The following HMG20A variants were observed in gnomAD, a reference collection of about 807,000 sequenced individuals.
The protein encoded by HMG20A is high mobility group protein 20A.
HMG20A carries 17 observed loss-of-function variants against 43.9 expected under a neutral mutation model. That is an observed-to-expected ratio of 0.39 (90% CI 0.27 to 0.58). The LOEUF is 0.58. HMG20A is among the 20% of genes least tolerant of loss of function. HMG20A has a pLI of 0.59. For missense variants in HMG20A, 341 were observed against 438.2 expected (o/e 0.78, Z 1.98); for synonymous variants, 132 against 147.5 (o/e 0.89, Z 0.76).
chr15:77,475,215 G>A (rs192372737), intron 6 of HMG20A, among the ~76,000 whole-genome samples: 3 of 152,300 alleles, frequency 2.0e-5, no homozygotes, highest in Admixed American at 2.0e-4. Context: ...TCTCCATGCC[G>A]TGAAATGTGC....
chr15:77,516,628 C>A, the HMG20A span, among the ~76,000 whole-genome samples: 1 of 152,118 alleles, frequency 6.6e-6, no homozygotes, highest in East Asian at 1.9e-4. Flanking sequence ...CATGACCATC[C>A]CCCTCAAGAG....
chr15:77,492,292 A>G, the HMG20A span, among the ~76,000 whole-genome samples: 5 of 152,260 alleles, frequency 3.3e-5, no homozygotes, highest in African/African-American at 1.2e-4. Flanking sequence ...ATAATATAGT[A>G]TGAAAATATC....
At chr15:77,510,485 G>A in the HMG20A span, among the ~76,000 whole-genome samples, 1 of 152,198 alleles carries the variant, frequency 6.6e-6, no homozygotes, top group Non-Finnish European at 1.5e-5. Flanking sequence ...AAATGCACTG[G>A]GGGAGAGGAA....
At chr15:77,446,163 A>G (rs2073671606) in intron 1 of HMG20A, among the ~76,000 whole-genome samples, 1 of 152,150 alleles carries the variant, frequency 6.6e-6, no homozygotes, top group African/African-American at 2.4e-5. Flanking sequence ...TCTCCAGTGC[A>G]TCTGTGAATG....
the HMG20A span, among the ~76,000 whole-genome samples, chr15:77,518,689 C>T: frequency 5.9e-5 from 9 of 152,312 alleles, no homozygotes; most frequent in Non-Finnish European, 8.8e-5. Flanking sequence ...CACCACACCA[C>T]GGCTCAGCGT....
chr15:77,471,833 A>C lies in HMG20A; in HGVS notation c.615+19A>C, dbSNP rs368874148. On this transcript the variant is annotated intron_variant, in intron 6 of 9. Transcript: ENST00000336216. Reference sequence around the variant, plus strand: ...TCATGAGGTAATTAGCCATCTGTCTACATATCATATATATGTATTTATAAT... The same window carrying C: ...TCATGAGGTAATTAGCCATCTGTCTCCATATCATATATATGTATTTATAAT... 9.7e-6 allele frequency: 14 copies of C among 1,441,810 alleles called. No individual in the cohort carries two copies. The highest frequency in any genetic ancestry group is 1.3e-5 in the Non-Finnish European group (14 of 1,045,662). 89.3% of individuals were successfully genotyped at this position (1,441,810 alleles called of 1,614,324 possible). A position where few individuals can be genotyped will look rare whatever the true frequency, so the allele number is the denominator to read the frequency against.
chr15:77,499,949 C>T, the HMG20A span, among the ~76,000 whole-genome samples: 2 of 151,742 alleles, frequency 1.3e-5, no homozygotes, highest in Non-Finnish European at 2.9e-5. Flanking sequence ...CCTGCCTCAG[C>T]CCTCCCTAAT....
At chr15:77,443,606 C>A (rs1449354555) in intron 1 of HMG20A, among the ~76,000 whole-genome samples, 2 of 151,270 alleles carry the variant, frequency 1.3e-5, no homozygotes. Flanking sequence ...TGGCCAGGCT[C>A]GTCTTGAACT....
At chr15:77,515,461 G>A in the HMG20A span, among the ~76,000 whole-genome samples, 4 of 151,692 alleles carry the variant, frequency 2.6e-5, no homozygotes, top group African/African-American at 9.7e-5. Context: ...GCTAAGTTTT[G>A]TATTTTTGGT....
intron 7 of HMG20A, among the ~76,000 whole-genome samples, chr15:77,477,878 T>G (rs920667985): frequency 6.6e-6 from 1 of 152,138 alleles, no homozygotes; most frequent in Non-Finnish European, 1.5e-5. Context: ...AAATAAAAAC[T>G]TACATGGGAG....
intron 1 of HMG20A, among the ~76,000 whole-genome samples, chr15:77,437,296 G>T (rs1331921992): frequency 6.6e-6 from 1 of 152,102 alleles, no homozygotes; most frequent in Non-Finnish European, 1.5e-5. Context: ...TGTATTGCTG[G>T]TATCTTAACC....
In HMG20A at chr15:77,443,379, GATTATTATTATTATT is replaced by G. The variant is rs58715798; in HGVS notation, c.-4-15008_-4-14994del. Among the ~76,000 whole-genome samples the G allele has an allele frequency of 8.4e-5, 11 of 131,318 alleles. No individual in the cohort carries two copies. The East Asian group carries it at 1.3e-3, about 15-fold the overall frequency. The allele number at this position is 131,318 out of a possible 152,430, so 86.1% of individuals were successfully genotyped here. ...TGATGATGATGATGATGATGATGAT[GATTATTATTATTATT>G]ATTATTATTATTATTAAGTTAGGGT... is the stretch of plus-strand genomic sequence containing the variant. On this transcript the variant is annotated intron_variant, in intron 1 of 9. Transcript: ENST00000336216.
intron 1 of HMG20A, among the ~76,000 whole-genome samples, chr15:77,450,326 A>G (rs1013981121): frequency 4.6e-5 from 7 of 152,140 alleles, no homozygotes; most frequent in African/African-American, 7.2e-5. Context: ...TTGCATACAC[A>G]TAATGAGATA....
At chr15:77,446,730 C>G (rs138866053) in intron 1 of HMG20A, among the ~76,000 whole-genome samples, 1 of 151,592 alleles carries the variant, frequency 6.6e-6, no homozygotes, top group East Asian at 1.9e-4. Context: ...TGGCGTGAAC[C>G]CTGGAGGCAG....
intron 1 of HMG20A, among the ~76,000 whole-genome samples, chr15:77,421,531 A>C (rs544440088): frequency 4.9e-4 from 75 of 152,274 alleles, no homozygotes; most frequent in Non-Finnish European, 7.4e-4. Context: ...CTGCACCCCT[A>C]CTCAAGTCCA....
At chr15:77,461,322 A>T (rs2072702899) in intron 2 of HMG20A, among the ~76,000 whole-genome samples, 1 of 152,192 alleles carries the variant, frequency 6.6e-6, no homozygotes, top group South Asian at 2.1e-4. Flanking sequence ...GCTATAAAGG[A>T]AAGGAGAAAA....
chr15:77,427,331 A>G (rs976497495), intron 1 of HMG20A, among the ~76,000 whole-genome samples: 10 of 152,156 alleles, frequency 6.6e-5, no homozygotes, highest in African/African-American at 2.2e-4. Flanking sequence ...AAATAAAACT[A>G]TAGCTATTTT....
the HMG20A span, among the ~76,000 whole-genome samples, chr15:77,507,360 C>G: frequency 1.3e-5 from 2 of 152,192 alleles, no homozygotes; most frequent in South Asian, 2.1e-4. Flanking sequence ...ACACACCCCC[C>G]ACACCCCTCC....
chr15:77,481,843 A>T (rs982327763), intron 9 of HMG20A, among the ~76,000 whole-genome samples: 5 of 152,220 alleles, frequency 3.3e-5, no homozygotes, highest in Non-Finnish European at 1.5e-5. Flanking sequence ...GTTTGGCCTC[A>T]TTATACAAAT....
Sources: allele counts gnomAD v4.1 joint callset (sites outside exome capture counted in the v4.1 genomes callset), GRCh38; gene constraint gnomAD v4.1.1; transcripts MANE v1.5; gene names NCBI Gene and HGNC (gene_info 2026-07-23, HGNC 2026-07-21).